The following ATG7 variants were observed in gnomAD, a reference collection of about 807,000 sequenced individuals.
ATG7 encodes the protein ubiquitin-like modifier-activating enzyme ATG7.
In ATG7, 70 loss-of-function variants were observed where a neutral mutation model predicts 82.4. The observed-to-expected ratio is 0.85, with a 90% CI of 0.70 to 1.04. The LOEUF (loss-of-function observed/expected upper bound fraction) is 1.04, where lower values mean the gene tolerates loss of function less well. ATG7 is among the 50% of genes least tolerant of loss of function. The pLI, the probability that ATG7 is intolerant of heterozygous loss-of-function variation, is 0.00. For synonymous variants in ATG7, 287 were observed against 313.0 expected (o/e 0.92, Z 0.88); for missense variants, 792 against 864.3 (o/e 0.92, Z 1.05).
intron 5 of ATG7, among the ~76,000 whole-genome samples, chr3:11,300,795 T>C (rs1946669595): frequency 6.6e-6 from 1 of 152,196 alleles, no homozygotes; most frequent in African/African-American, 2.4e-5. Flanking sequence ...TTACCTGAGA[T>C]ATTCAACACT....
intron 3 of ATG7, among the ~76,000 whole-genome samples, chr3:11,287,796 C>T (rs1428429472): frequency 2.6e-5 from 4 of 152,240 alleles, no homozygotes; most frequent in Non-Finnish European, 5.9e-5. Flanking sequence ...TCGCCCTCAG[C>T]GCCCTCACTG....
chr3:11,275,767 T>A (rs527948090), intron 1 of ATG7, among the ~76,000 whole-genome samples: 15 of 152,096 alleles, frequency 9.9e-5, no homozygotes, highest in Non-Finnish European at 1.8e-4. Flanking sequence ...TGGTAGTCAG[T>A]AGGTATTACC....
intron 20 of ATG7, among the ~76,000 whole-genome samples, chr3:11,521,639 A>G (rs2574703): frequency 0.042 from 6,281 of 150,232 alleles, 145 homozygotes; most frequent in African/African-American, 0.063. Flanking sequence ...TGCAAGTTCC[A>G]CCTCCTGGGT....
In ATG7 at chr3:11,444,047, T is replaced by C. The variant is rs1297285738; in HGVS notation, c.2079+17121T>C. ...CTTAAACAATATAATTCTATTTGCC[T>C]GACTTTGAATTTTTCAAACAGAATT... On this transcript the variant is annotated intron_variant, in intron 20 of 20. Transcript: ENST00000693202. Among the ~76,000 whole-genome samples the C allele has an allele frequency of 2.6e-5, 4 of 152,214 alleles. No homozygotes were observed. The East Asian group carries it at 5.8e-4, about 22-fold the overall frequency.
intron 20 of ATG7, among the ~76,000 whole-genome samples, chr3:11,489,746 T>C (rs948598848): frequency 2.0e-3 from 303 of 150,234 alleles, no homozygotes; most frequent in African/African-American, 6.8e-3. Flanking sequence ...CCAGTAGTCA[T>C]TCAGGAGCAG....
At chr3:11,428,159 C>A (rs1481330127) in intron 20 of ATG7, among the ~76,000 whole-genome samples, 1 of 152,188 alleles carries the variant, frequency 6.6e-6, no homozygotes, top group African/African-American at 2.4e-5. Flanking sequence ...GCAAAACTCC[C>A]CCAGCCATCT....
chr3:11,340,761 A>G, intron 12 of ATG7, 26 bp downstream of exon 12: 1 of 1,602,968 alleles, frequency 6.2e-7, no homozygotes, highest in Non-Finnish European at 8.5e-7. Context: ...TGTTTTCTCC[A>G]GTCGGGCTTT....
intron 20 of ATG7, among the ~76,000 whole-genome samples, chr3:11,534,085 C>G (rs190361092): frequency 3.3e-5 from 5 of 152,242 alleles, no homozygotes; most frequent in Admixed American, 6.5e-5. Context: ...CCTCCCCCCC[C>G]AGGGGAAAGC....
intron 1 of ATG7, among the ~76,000 whole-genome samples, chr3:11,277,871 C>G (rs1273869383): frequency 3.5e-5 from 5 of 141,616 alleles, no homozygotes; most frequent in Non-Finnish European, 7.5e-5. Context: ...GACAGACACT[C>G]CCAGAGCGGC....
chr3:11,402,279 A>G lies in ATG7; in HGVS notation c.1956+22227A>G, dbSNP rs547076517. ...AAACCCGGTTTCTACTAGAAATACA[A>G]AAATTAGCTGGGGTGTAGTGGCAGG... On this transcript the variant is annotated intron_variant, in intron 19 of 20. Transcript: ENST00000693202. Among the ~76,000 whole-genome samples the G allele has an allele frequency of 3.3e-5, 5 of 152,310 alleles. No homozygotes were observed. In the South Asian group the frequency reaches 8.3e-4, roughly 25 times the overall value.
intron 18 of ATG7, among the ~76,000 whole-genome samples, chr3:11,366,145 G>C (rs2076590029): frequency 6.6e-6 from 1 of 151,338 alleles, no homozygotes; most frequent in East Asian, 1.9e-4. Flanking sequence ...TTGAACCCGG[G>C]AGGTGGAGGG....
At chr3:11,472,403 C>T (rs970753769) in intron 20 of ATG7, among the ~76,000 whole-genome samples, 1 of 152,066 alleles carries the variant, frequency 6.6e-6, no homozygotes, top group African/African-American at 2.4e-5. Flanking sequence ...CTGCTTGACT[C>T]ATCCACCAGT....
the ATG7 span, among the ~76,000 whole-genome samples, chr3:11,564,402 A>G: frequency 1.6e-5 from 1 of 60,706 alleles, no homozygotes; most frequent in Non-Finnish European, 5.0e-5. Context: ...GGAGAAACGT[A>G]GGACCCCCCC....
chr3:11,524,447 T>C (rs1295813242), intron 20 of ATG7, among the ~76,000 whole-genome samples: 1 of 152,300 alleles, frequency 6.6e-6, no homozygotes, highest in South Asian at 2.1e-4. Context: ...TAATAAAGAA[T>C]GTATAGTCTG....
chr3:11,278,058 G>C (rs573241833), intron 1 of ATG7, among the ~76,000 whole-genome samples: 15 of 152,278 alleles, frequency 9.9e-5, no homozygotes, highest in Admixed American at 2.6e-4. Flanking sequence ...TAGGCAGTCA[G>C]ACCTTATGGT....
intron 3 of ATG7, among the ~76,000 whole-genome samples, chr3:11,286,360 A>G (rs772568421): frequency 4.6e-5 from 7 of 152,122 alleles, no homozygotes; most frequent in Non-Finnish European, 8.8e-5. Flanking sequence ...TCCTGAAAAA[A>G]CAATAATAGG....
intron 20 of ATG7, among the ~76,000 whole-genome samples, chr3:11,507,277 A>G (rs1250717560): frequency 6.6e-6 from 1 of 152,240 alleles, no homozygotes; most frequent in African/African-American, 2.4e-5. Flanking sequence ...GTGAGACTCC[A>G]TCTCAAAATA....
intron 11 of ATG7, among the ~76,000 whole-genome samples, chr3:11,336,273 A>G (rs559884604): frequency 4.6e-5 from 7 of 152,064 alleles, no homozygotes; most frequent in African/African-American, 1.7e-4. Flanking sequence ...AGCTCGGGCA[A>G]TCTGCCTGCC....
chr3:11,459,604 G>A (rs2086110362), intron 20 of ATG7, among the ~76,000 whole-genome samples: 1 of 152,086 alleles, frequency 6.6e-6, no homozygotes. Flanking sequence ...AGCCAACAGG[G>A]AAGTAATGGG....
Sources: allele counts gnomAD v4.1 joint callset (sites outside exome capture counted in the v4.1 genomes callset), GRCh38; gene constraint gnomAD v4.1.1; transcripts MANE v1.5; gene names NCBI Gene and HGNC (gene_info 2026-07-23, HGNC 2026-07-21).